SSBP4: variants seen among roughly 807,000 people sequenced by gnomAD.
The protein encoded by SSBP4 is single-stranded DNA-binding protein 4.
Under a neutral mutation model 64.6 loss-of-function variants are expected in SSBP4, and 33 were observed. The observed-to-expected ratio is 0.51, with a 90% CI of 0.39 to 0.68. The LOEUF (loss-of-function observed/expected upper bound fraction) is 0.68. Among genes scored for constraint, SSBP4 ranks in the 30% least tolerant of loss-of-function variants. The pLI is 0.00. For missense variants in SSBP4, 583 were observed against 566.8 expected (o/e 1.03, Z -0.29); for synonymous variants, 243 against 224.0 (o/e 1.08, Z -0.76).
At chr19:18,419,811 C>CG (rs202214958) in intron 1 of SSBP4, 104 bp downstream of exon 1, 105,489 of 855,646 alleles carry the variant, frequency 0.12, 7,288 homozygotes, top group African/African-American at 0.2. Flanking sequence ...GCGGGGAGCG[C>CG]GAGCCTGAGC....
chr19:18,432,705 C>T lies in SSBP4; in HGVS notation c.756C>T (p.Pro252=), dbSNP rs914998750. The T allele has an allele frequency of 1.3e-6, 2 of 1,576,672 alleles. No individual in the cohort carries two copies. The highest frequency in any genetic ancestry group is 1.2e-5 in the South Asian group (1 of 85,450). Residue 252 remains proline, a synonymous_variant, in exon 12 of 18, where the codon CCC becomes CCT. Transcript: ENST00000270061. The stretch of plus-strand genomic sequence containing the variant: ...ACAGCTGCCCTTGTCCCCAGATCCC[C>T]TACTCCTCCTCATCCCCCGGCAGCT... ...PWASPSGNSI[P]YSSSSPGSYT... is the part of the protein sequence containing the mutation.
the SSBP4 span, among the ~76,000 whole-genome samples, chr19:18,411,145 G>T: frequency 6.6e-6 from 1 of 151,998 alleles, no homozygotes; most frequent in Admixed American, 6.6e-5. Flanking sequence ...CCTCCTGCCC[G>T]CATGGAGCTC....
the SSBP4 span, among the ~76,000 whole-genome samples, chr19:18,412,790 C>T: frequency 6.6e-6 from 1 of 152,108 alleles, no homozygotes; most frequent in Non-Finnish European, 1.5e-5. Flanking sequence ...TGCTTAAGCC[C>T]GGGAGGTGGA....
chr19:18,419,545 C>T lies in SSBP4; in HGVS notation c.-104C>T, dbSNP rs1253905009. The T allele has an allele frequency of 1.6e-5, 18 of 1,145,492 alleles. No individual in the cohort carries two copies. Among genetic ancestry groups the T allele is most frequent in the South Asian group, 7.5e-5 (2 of 26,784 alleles). 71.0% of individuals were successfully genotyped at this position (1,145,492 alleles called of 1,614,324 possible). On this transcript the variant is annotated 5_prime_UTR_variant, in exon 1 of 18. Transcript: ENST00000270061. Reference sequence around the variant, plus strand: ...ATGCCTGCCGTGCCCGCCTGGGGCTCGGGGCGGTGAGGCCCGGGGCGCGGG... The same window carrying T: ...ATGCCTGCCGTGCCCGCCTGGGGCTTGGGGCGGTGAGGCCCGGGGCGCGGG...
rs776166832 is a variant in SSBP4 at position 18,432,872 on chromosome 19, C to T, written c.830C>T (p.Pro277Leu). The T allele has an allele frequency of 3.7e-6, 6 of 1,614,018 alleles. No individual in the cohort carries two copies. The highest frequency in any genetic ancestry group is 2.2e-5 in the East Asian group (1 of 44,882). Residue 277 changes from proline (P) to leucine (L), a missense_variant, in exon 13 of 18, where the codon CCT becomes CTT. Pro to Leu is a moderately conservative substitution (Grantham distance 98). This residue lies in a region of SSBP4 where 444 missense variants were observed against 386.6 expected (regional missense o/e 1.15). Transcript: ENST00000270061. ...GGGPPGTPIM[P>L]SPGDSTNSSE... is the part of the protein sequence containing the mutation. ...GGGCCCCCTGGAACACCCATCATGCCTAGCCCTGGAGGTATGGCCTAGTAA... is the reference window on the plus strand; with the variant it reads ...GGGCCCCCTGGAACACCCATCATGCTTAGCCCTGGAGGTATGGCCTAGTAA...
chr19:18,417,512 T>A (rs1972162273), upstream of SSBP4, among the ~76,000 whole-genome samples: 1 of 152,136 alleles, frequency 6.6e-6, no homozygotes, highest in African/African-American at 2.4e-5. This position sits in a 1 kb window ranked among gnomAD's most constrained non-coding sequence, Gnocchi z 5.4. Context: ...TCTCTGTGCC[T>A]CATTAGGAGT....
upstream of SSBP4, chr19:18,418,843 C>T (rs558105212): frequency 1.2e-5 from 6 of 483,374 alleles, no homozygotes; most frequent in Admixed American, 1.3e-4. The surrounding 1 kb of genome is among the most constrained non-coding windows in gnomAD (Gnocchi z 6.7). Flanking sequence ...CGCGCGCCTG[C>T]GTGAGGCTGG....
rs1460489884 is a variant in SSBP4, at chr19:18,431,290, CCCT to C, written c.370-58_370-56del. On this transcript the variant is annotated intron_variant, in intron 5 of 17. Coordinates refer to ENST00000270061, the MANE Select transcript of SSBP4 (RefSeq NM_032627.5). ...CCCCTCTGCCTCCATGGAGCCCCTCCCCTCCTCAGCCAAACCCAGTAGGGCCTC... is the reference window on the plus strand; with the variant it reads ...CCCCTCTGCCTCCATGGAGCCCCTCCCCTCAGCCAAACCCAGTAGGGCCTC... 1.1e-5 allele frequency: 7 copies of C among 626,068 alleles called. No individual in the cohort carries two copies. The Admixed American group carries it at 1.2e-4, about 11-fold the overall frequency. The allele number at this position is 626,068 out of a possible 1,614,324, so 38.8% of individuals were successfully genotyped here.
chr19:18,424,135 C>T (rs764446538), intron 1 of SSBP4, among the ~76,000 whole-genome samples: 11 of 152,248 alleles, frequency 7.2e-5, no homozygotes, highest in Non-Finnish European at 1.5e-4. Context: ...GAAGGGAAAT[C>T]AGCAAAACCG....
upstream of SSBP4, among the ~76,000 whole-genome samples, chr19:18,417,646 T>C (rs962859591): frequency 3.3e-5 from 5 of 152,082 alleles, no homozygotes; most frequent in Admixed American, 3.3e-4. The surrounding 1 kb of genome is among the most constrained non-coding windows in gnomAD (Gnocchi z 5.4). Flanking sequence ...CCTGCGGAAT[T>C]GTGCGGGCCC....
rs779036092 is a variant in SSBP4 at position 18,430,915 on chromosome 19, G to A, written c.354G>A (p.Ala118=). 46 of 1,612,502 alleles carry A rather than the reference G, an allele frequency of 2.9e-5. No homozygotes were observed. Among genetic ancestry groups the A allele is most frequent in the Admixed American group, 8.3e-5 (5 of 59,970 alleles). The part of the protein sequence containing the change: ...PGDTMAAGSM[A]AGFFQGPPGS... ...ACACAATGGCCGCAGGCTCCATGGC[G>A]GCTGGCTTCTTCCAGGTATGGCCCC... is the stretch of plus-strand genomic sequence containing the variant. The change falls in exon 5 of 18, where the codon GCG becomes GCA. Residue 118 remains alanine, a synonymous_variant. Transcript: ENST00000270061.
upstream of SSBP4, among the ~76,000 whole-genome samples, chr19:18,417,991 G>T (rs563707022): frequency 6.6e-6 from 1 of 152,142 alleles, no homozygotes; most frequent in East Asian, 1.9e-4. This position sits in a 1 kb window ranked among gnomAD's most constrained non-coding sequence, Gnocchi z 5.4. Flanking sequence ...CACACGAAAC[G>T]TGAGCACAGA....
intron 4 of SSBP4, 73 bp downstream of exon 4, chr19:18,428,055 GTGGGGGGCTGCACAGCCAGAGGAGGGC>G: frequency 1.4e-6 from 2 of 1,400,456 alleles, no homozygotes; most frequent in Non-Finnish European, 2.0e-6. Flanking sequence ...GGGAGGTGGG[GTGGGGGGCTGCACAGCCAGAGGAGGGC>G]TGGGGATGGT....
intron 5 of SSBP4, 71 bp downstream of exon 5, chr19:18,431,001 C>G: frequency 6.5e-7 from 1 of 1,542,428 alleles, no homozygotes; most frequent in Non-Finnish European, 8.8e-7. Flanking sequence ...GGGGGGGTCC[C>G]ACGTGGGCAG....
At position 18,432,705 on chromosome 19, in the gene SSBP4, C is replaced by G. The variant is rs914998750; in HGVS notation, c.756C>G (p.Pro252=). 5.7e-6 allele frequency: 9 copies of G among 1,576,556 alleles called. No homozygotes were observed. The Admixed American group carries it at 1.0e-4, about 18-fold the overall frequency. ...ACAGCTGCCCTTGTCCCCAGATCCC[C>G]TACTCCTCCTCATCCCCCGGCAGCT... ...PWASPSGNSI[P]YSSSSPGSYT... The change falls in exon 12 of 18, where the codon CCC becomes CCG. Residue 252 remains proline (P), a synonymous_variant. Transcript: ENST00000270061.
upstream of SSBP4, among the ~76,000 whole-genome samples, chr19:18,417,883 C>CG (rs1438237048): frequency 6.9e-6 from 1 of 145,252 alleles, no homozygotes; most frequent in Non-Finnish European, 1.5e-5. The surrounding 1 kb of genome is among the most constrained non-coding windows in gnomAD (Gnocchi z 5.4). Context: ...GGGGTGGGGG[C>CG]GGGGGGTTCT....
the SSBP4 span, among the ~76,000 whole-genome samples, chr19:18,413,253 G>C: frequency 6.6e-6 from 1 of 151,948 alleles, no homozygotes; most frequent in African/African-American, 2.4e-5. Flanking sequence ...AGGCTCCTCG[G>C]CCAGGAGTGC....
chr19:18,404,246 T>C, the SSBP4 span, among the ~76,000 whole-genome samples: 1 of 148,810 alleles, frequency 6.7e-6, no homozygotes, highest in African/African-American at 2.5e-5. Flanking sequence ...CCCTCAGAGA[T>C]CCCCAGAGAC....
intron 4 of SSBP4, 138 bp from the exon 5 acceptor site, chr19:18,430,703 C>G: frequency 3.0e-6 from 2 of 676,090 alleles, no homozygotes; most frequent in Non-Finnish European, 4.8e-6. Context: ...CTCAGGCCGA[C>G]AACCCCAGTG....
Sources: gnomAD v4.1 joint callset for allele counts (sites outside exome capture counted in the v4.1 genomes callset) on GRCh38, gnomAD v4.1.1 for gene constraint, gnomAD v4.1.1 regional missense constraint, Gnocchi (gnomAD v3.1) non-coding constraint, MANE v1.5 for transcripts, NCBI Gene and HGNC (gene_info 2026-07-23, HGNC 2026-07-21) for gene names.